SH3RF3: variants seen among roughly 807,000 people sequenced by gnomAD.
SH3RF3 encodes E3 ubiquitin-protein ligase SH3RF3.
SH3RF3 carries 29 observed loss-of-function variants against 66.3 expected under a neutral mutation model. The ratio of observed to expected loss-of-function variants is 0.44; its 90% CI spans 0.33 to 0.60. The LOEUF (loss-of-function observed/expected upper bound fraction) is 0.60. SH3RF3 is among the 20% of genes least tolerant of loss of function. The pLI, the probability that SH3RF3 is intolerant of heterozygous loss-of-function variation, is 0.04. For synonymous variants in SH3RF3, 583 were observed against 532.0 expected (o/e 1.10, Z -1.32); for missense variants, 1,194 against 1,190.9 (o/e 1.00, Z -0.04).
intron 4 of SH3RF3, among the ~76,000 whole-genome samples, chr2:109,416,732 T>A (rs1484304157): frequency 6.6e-6 from 1 of 151,488 alleles, no homozygotes; most frequent in Non-Finnish European, 1.5e-5. Flanking sequence ...TCTGTCTCAA[T>A]ACAACAACAA....
intron 1 of SH3RF3, among the ~76,000 whole-genome samples, chr2:109,206,372 TC>T (rs1678838368): frequency 6.7e-6 from 1 of 150,228 alleles, no homozygotes; most frequent in Non-Finnish European, 1.5e-5. Context: ...GCACCTGTAG[TC>T]CCAGCTACTC....
At chr2:109,421,273 C>A (rs1350979532) in intron 5 of SH3RF3, among the ~76,000 whole-genome samples, 1 of 152,236 alleles carries the variant, frequency 6.6e-6, no homozygotes, top group African/African-American at 2.4e-5. Context: ...GCTTCAAGGG[C>A]AAAGCCCAGA....
At chr2:109,148,817 G>C (rs567541751) in intron 1 of SH3RF3, among the ~76,000 whole-genome samples, 1 of 150,620 alleles carries the variant, frequency 6.6e-6, no homozygotes, top group East Asian at 1.9e-4. Context: ...TCTCAAAAAT[G>C]TGTAGGGACA....
In SH3RF3 at chr2:109,405,693, C is replaced by A. The variant is rs562958997; in HGVS notation, c.1299+6750C>A. Among the ~76,000 whole-genome samples, 76 of 152,354 alleles carry A rather than the reference C, an allele frequency of 5.0e-4. 1 individual carries two copies. The highest frequency in any genetic ancestry group is 1.8e-3 in the African/African-American group (75 of 41,576). ...GACATGTTCACCTCTCCGCAGCTTT[C>A]TATGGCCCCATGTCACCTTTCCACC... On this transcript the variant is annotated intron_variant, in intron 4 of 9. Transcript: ENST00000309415.
chr2:109,298,314 C>T (rs372507847), intron 1 of SH3RF3, among the ~76,000 whole-genome samples: 30 of 149,670 alleles, frequency 2.0e-4, no homozygotes, highest in African/African-American at 6.6e-4. Context: ...GGAAGGGAAG[C>T]GCATCTATGT....
intron 1 of SH3RF3, chr2:109,313,622 G>C (rs1299803351): frequency 6.5e-6 from 1 of 155,022 alleles, no homozygotes; most frequent in African/African-American, 2.4e-5. Context: ...CCGGCCAGCA[G>C]TGGGGCTCAC....
chr2:109,407,152 G>A (rs1160193167), intron 4 of SH3RF3, among the ~76,000 whole-genome samples: 3 of 151,418 alleles, frequency 2.0e-5, no homozygotes, highest in South Asian at 2.1e-4. Flanking sequence ...AGGCTGACTC[G>A]CCGTCCAGCC....
At chr2:109,457,412 T>C (rs1246455495) in intron 8 of SH3RF3, among the ~76,000 whole-genome samples, 1 of 152,244 alleles carries the variant, frequency 6.6e-6, no homozygotes, top group Non-Finnish European at 1.5e-5. Context: ...AAATGCATTT[T>C]TAAAATAGTA....
In SH3RF3 at chr2:109,238,431, CTTGT is replaced by C. The variant is rs758154256; in HGVS notation, c.573+108324_573+108327del. ...CTCTTTTTCTTTAATTTATACATTT[CTTGT>C]TTGTTATGTATATTTGTGTGTGTGT... On this transcript the variant is annotated intron_variant, in intron 1 of 9. Transcript: ENST00000309415. 2.2e-3 allele frequency among the ~76,000 whole-genome samples: 319 copies of C among 145,054 alleles called. 1 individual carries two copies. The highest frequency in any genetic ancestry group is 2.9e-3 in the Admixed American group (42 of 14,464).
intron 4 of SH3RF3, among the ~76,000 whole-genome samples, chr2:109,408,561 C>T (rs1028121273): frequency 1.3e-5 from 2 of 152,240 alleles, no homozygotes; most frequent in African/African-American, 4.8e-5. Flanking sequence ...CCTCGTCCTC[C>T]CATTCGCTGT....
chr2:109,172,970 T>C (rs927787345), intron 1 of SH3RF3, among the ~76,000 whole-genome samples: 8 of 152,248 alleles, frequency 5.3e-5, no homozygotes, highest in African/African-American at 9.6e-5. Context: ...CTGAGTGTCA[T>C]GTATGACCTT....
chr2:109,300,585 T>C (rs1374071885), intron 1 of SH3RF3, among the ~76,000 whole-genome samples: 1 of 152,204 alleles, frequency 6.6e-6, no homozygotes, highest in East Asian at 1.9e-4. Flanking sequence ...GTTAGGGGTA[T>C]GATTGGCAAA....
intron 1 of SH3RF3, among the ~76,000 whole-genome samples, chr2:109,226,050 T>C (rs931225424): frequency 1.3e-5 from 2 of 152,242 alleles, no homozygotes; most frequent in African/African-American, 2.4e-5. Flanking sequence ...GGCCTGACCC[T>C]GAACAACTTA....
chr2:109,419,315 C>T (rs572168502), intron 4 of SH3RF3, among the ~76,000 whole-genome samples: 1 of 152,282 alleles, frequency 6.6e-6, no homozygotes, highest in East Asian at 1.9e-4. Flanking sequence ...AGAAGGCTCC[C>T]TGAGCTGCTG....
At chr2:109,248,369 T>G (rs2105244571) in intron 1 of SH3RF3, among the ~76,000 whole-genome samples, 1 of 152,330 alleles carries the variant, frequency 6.6e-6, no homozygotes, top group South Asian at 2.1e-4. Context: ...AGTTTTATGG[T>G]TTTGCCTCTC....
At chr2:109,140,819 T>TA (rs1676930732) in intron 1 of SH3RF3, among the ~76,000 whole-genome samples, 1 of 152,212 alleles carries the variant, frequency 6.6e-6, no homozygotes, top group South Asian at 2.1e-4. Context: ...GTCCCCAAAC[T>TA]AATCAGTGCC....
At chr2:109,425,434 C>G (rs1324125169) in intron 5 of SH3RF3, among the ~76,000 whole-genome samples, 3 of 152,298 alleles carry the variant, frequency 2.0e-5, no homozygotes, top group African/African-American at 7.2e-5. Context: ...CTAGGACTTT[C>G]ATAGCTAGAG....
intron 4 of SH3RF3, among the ~76,000 whole-genome samples, chr2:109,414,835 G>A (rs1053706380): frequency 3.3e-5 from 5 of 152,142 alleles, no homozygotes; most frequent in Non-Finnish European, 7.3e-5. Flanking sequence ...CTCCCTCAAC[G>A]TCCTTCAGAC....
At chr2:109,194,436 G>A (rs1294373272) in intron 1 of SH3RF3, among the ~76,000 whole-genome samples, 1 of 152,210 alleles carries the variant, frequency 6.6e-6, no homozygotes, top group African/African-American at 2.4e-5. Context: ...CTGCGCTCTC[G>A]GCTGGCTGAT....
Sources: allele counts gnomAD v4.1 joint callset (sites outside exome capture counted in the v4.1 genomes callset), GRCh38; gene constraint gnomAD v4.1.1; transcripts MANE v1.5; gene names NCBI Gene and HGNC (gene_info 2026-07-23, HGNC 2026-07-21).